The following MGAM variants were observed in gnomAD, a reference collection of about 807,000 sequenced individuals.
MGAM encodes the protein alpha-1,4-glucosidase.
Under a neutral mutation model 358.8 loss-of-function variants are expected in MGAM, and 253 were observed. The ratio of observed to expected loss-of-function variants is 0.71; its 90% CI spans 0.64 to 0.78. The LOEUF (loss-of-function observed/expected upper bound fraction) is 0.78, where lower values mean the gene tolerates loss of function less well. MGAM is among the 30% of genes least tolerant of loss of function. MGAM has a pLI of 0.00. For missense variants in MGAM, 3,080 were observed against 3,432.6 expected (o/e 0.90, Z 2.57); for synonymous variants, 1,105 against 1,227.1 (o/e 0.90, Z 2.08).
intron 2 of MGAM, among the ~76,000 whole-genome samples, chr7:141,986,786 A>G (rs1461386101): frequency 1.3e-5 from 2 of 152,230 alleles, no homozygotes; most frequent in Non-Finnish European, 2.9e-5. Flanking sequence ...TTGAACTAAA[A>G]TGGTATTTCC....
rs1412935226 is a variant in MGAM at position 142,065,770 on chromosome 7, G to A, written c.4709G>A (p.Arg1570His). The A allele has an allele frequency of 8.4e-6, 13 of 1,555,844 alleles. 3 individuals are homozygous for A. Among genetic ancestry groups the A allele is most frequent in the South Asian group, 1.1e-5 (1 of 89,162 alleles). ...GACGCTGAGTACGAGATGTGTGTTC[G>A]CTGGATGCAGCTGGGGGCCTTTTAC... ...FQDAEYEMCVRWMQLGAFYPF... is the reference protein window; with the variant it reads ...FQDAEYEMCVHWMQLGAFYPF... Residue 1570 changes from arginine to histidine, a missense_variant, in exon 40 of 71, where the codon CGC (arginine) becomes CAC (histidine). By Grantham distance (29) the Arg-to-His change is conservative (BLOSUM62 0). This residue lies in a region of MGAM where 134 missense variants were observed against 198.4 expected (regional missense o/e 0.68). Coordinates refer to ENST00000475668, the MANE Select transcript of MGAM (RefSeq NM_001365693.1).
At chr7:142,096,242 C>T (rs1815892884) in intron 64 of MGAM, 89 bp from the exon 65 acceptor site, 58 of 1,267,198 alleles carry the variant, frequency 4.6e-5, no homozygotes, top group South Asian at 1.7e-4. Flanking sequence ...GCTGTATTTC[C>T]GACTTGGATC....
intron 16 of MGAM, 47 bp from the exon 17 acceptor site, chr7:142,036,122 T>A: frequency 7.5e-7 from 1 of 1,328,742 alleles, no homozygotes; most frequent in Non-Finnish European, 1.1e-6. Flanking sequence ...CAAAGGAGGG[T>A]GGTTAGAAGG....
rs1222186624 is a variant in MGAM at position 142,050,230 on chromosome 7, T to C, written c.2588-5T>C. On this transcript the variant is annotated splice_region_variant and splice_polypyrimidine_tract_variant and intron_variant, in intron 22 of 70. Transcript: ENST00000475668. ...GAATCTGACTTGTCTTTCTCTCACTTTCAGATACTGTGGCCAATAAAGTGT... is the reference window on the plus strand; with the variant it reads ...GAATCTGACTTGTCTTTCTCTCACTCTCAGATACTGTGGCCAATAAAGTGT... The C allele has an allele frequency of 1.9e-6, 3 of 1,613,776 alleles. No homozygotes were observed. Among genetic ancestry groups the C allele is most frequent in the Non-Finnish European group, 2.5e-6 (3 of 1,179,692 alleles).
rs199621773 is a variant in MGAM, at chr7:142,052,399, A to G, written c.2911A>G (p.Asn971Asp). ...AAAAATAGACTGTTACCCTGATGAG[A>G]ATGGTGCTTCTGCCGAAAACTGCAC... ...EEKIDCYPDE[N>D]GASAENCTAR... The change falls in exon 25 of 71, where the codon AAT (asparagine) becomes GAT (aspartate). Residue 971 changes from asparagine to aspartate, a missense_variant. Asn to Asp is a conservative substitution (Grantham distance 23). This residue lies in a region of MGAM where 1,816 missense variants were observed against 1,840.5 expected (regional missense o/e 0.99). Coordinates refer to ENST00000475668, the MANE Select transcript of MGAM (RefSeq NM_001365693.1). 6.4e-4 allele frequency: 1,032 copies of G among 1,613,352 alleles called. 7 individuals are homozygous for G. In the South Asian group the frequency reaches 7.2e-3, roughly 11 times the overall value.
intron 69 of MGAM, among the ~76,000 whole-genome samples, chr7:142,102,967 T>C (rs1450769255): frequency 6.6e-6 from 1 of 152,228 alleles, no homozygotes; most frequent in Non-Finnish European, 1.5e-5. Context: ...TGCCTTGGAA[T>C]GGTCTGCACA....
At chr7:142,041,850 T>A (rs1264687148) in intron 21 of MGAM, among the ~76,000 whole-genome samples, 1 of 120,960 alleles carries the variant, frequency 8.3e-6, no homozygotes, top group African/African-American at 3.1e-5. Context: ...ACTTTCAAGT[T>A]TCTGGTCATT....
intron 56 of MGAM, 70 bp from the exon 57 acceptor site, chr7:142,086,585 A>G: frequency 1.2e-6 from 1 of 828,464 alleles, no homozygotes. Flanking sequence ...TTTATATAAT[A>G]ATTTCTTTGG....
intron 31 of MGAM, among the ~76,000 whole-genome samples, chr7:142,058,725 T>C (rs1811806565): frequency 2.0e-5 from 3 of 152,240 alleles, no homozygotes; most frequent in African/African-American, 7.2e-5. Context: ...CAATTGTATA[T>C]GTGAATACAA....
intron 34 of MGAM, among the ~76,000 whole-genome samples, chr7:142,061,131 G>A (rs1167739363): frequency 6.6e-6 from 1 of 152,188 alleles, no homozygotes; most frequent in East Asian, 1.9e-4. Context: ...GGCAAAGCCA[G>A]CACCTTGGAG....
chr7:142,084,466 C>T, intron 53 of MGAM, 53 bp from the exon 54 acceptor site: 1 of 1,519,392 alleles, frequency 6.6e-7, no homozygotes, highest in South Asian at 1.2e-5. Flanking sequence ...TGATGTAAAA[C>T]TTCAATCTGG....
rs1230853813 is a variant in MGAM at position 142,043,899 on chromosome 7, TATACACATAC to T, written c.2498+3054_2498+3063del. Among the ~76,000 whole-genome samples, 3 of 123,258 alleles carry T rather than the reference TATACACATAC, an allele frequency of 2.4e-5. 1 individual carries two copies. Among genetic ancestry groups the T allele is most frequent in the African/African-American group, 9.0e-5 (3 of 33,258 alleles). The allele number at this position is 123,258 out of a possible 152,430, so 80.9% of individuals were successfully genotyped here. A position where few individuals can be genotyped will look rare whatever the true frequency, so the allele number is the denominator to read the frequency against. On this transcript the variant is annotated intron_variant, in intron 21 of 70. Transcript: ENST00000475668. ...CATACGACGTATAATATATACATTA[TATACACATAC>T]GACGTATAATATATACATTATATAC...
intron 18 of MGAM, among the ~76,000 whole-genome samples, chr7:142,038,224 C>T (rs931143343): frequency 1.3e-5 from 2 of 152,144 alleles, no homozygotes; most frequent in Admixed American, 6.5e-5. Context: ...TGCGAATGTC[C>T]GGATCTCAAC....
chr7:142,056,612 G>A lies in MGAM; in HGVS notation c.3581-218G>A, dbSNP rs565056366. On this transcript the variant is annotated intron_variant, in intron 29 of 70. Coordinates refer to ENST00000475668, the MANE Select transcript of MGAM (RefSeq NM_001365693.1). ...AATAATAATTTTATAAGAGTAGAAT[G>A]ATAAAATATAGTAAAGTACCCTAAA... Among the ~76,000 whole-genome samples the A allele has an allele frequency of 2.5e-4, 38 of 152,254 alleles. No homozygotes were observed. The South Asian group carries it at 7.9e-3, about 32-fold the overall frequency.
chr7:142,062,972 G>A (rs1243107038), intron 35 of MGAM, among the ~76,000 whole-genome samples: 3 of 152,274 alleles, frequency 2.0e-5, no homozygotes, highest in Middle Eastern at 3.4e-3. Context: ...GCTGAGGTGG[G>A]CAGATCACCT....
intron 22 of MGAM, 23 bp downstream of exon 22, chr7:142,047,896 T>C: frequency 1.3e-6 from 2 of 1,557,328 alleles, no homozygotes; most frequent in Non-Finnish European, 1.8e-6. Context: ...ACGATAATGT[T>C]GCTGTTTCCC....
intron 2 of MGAM, among the ~76,000 whole-genome samples, chr7:142,008,264 C>T (rs145104040): frequency 6.6e-6 from 1 of 152,250 alleles, no homozygotes; most frequent in Non-Finnish European, 1.5e-5. Flanking sequence ...GGAGTCCTTG[C>T]TCTTATACAT....
intron 6 of MGAM, 24 bp from the exon 7 acceptor site, chr7:142,022,244 C>A: frequency 1.3e-6 from 2 of 1,583,072 alleles, no homozygotes; most frequent in Non-Finnish European, 8.6e-7. Flanking sequence ...CTCACCCATC[C>A]TTGTGTTCTC....
chr7:142,059,025 C>T (rs1161735369), intron 31 of MGAM, among the ~76,000 whole-genome samples: 4 of 152,162 alleles, frequency 2.6e-5, no homozygotes, highest in East Asian at 1.9e-4. Context: ...CCTCAAGATT[C>T]GGTATTCCAA....
Sources: gnomAD v4.1 joint callset for allele counts (sites outside exome capture counted in the v4.1 genomes callset) on GRCh38, gnomAD v4.1.1 for gene constraint, gnomAD v4.1.1 regional missense constraint, MANE v1.5 for transcripts, NCBI Gene and HGNC (gene_info 2026-07-23, HGNC 2026-07-21) for gene names.